Variants in NPAS3 observed in about 807,000 individuals in gnomAD.
NPAS3 encodes neuronal PAS domain protein 3, also known as neuronal PAS domain-containing protein 3.
In NPAS3, 14 loss-of-function variants were observed where a neutral mutation model predicts 73.1. The observed-to-expected ratio is 0.19, with a 90% confidence interval of 0.13 to 0.30. NPAS3 has a LOEUF of 0.30. Among genes scored for constraint, NPAS3 ranks in the 10% least tolerant of loss-of-function variants. The probability of loss-of-function intolerance (pLI) is 1.00; values close to 1 mark genes in which losing one functional copy is unlikely to be tolerated. For synonymous variants in NPAS3, 620 were observed against 541.5 expected, an observed-to-expected ratio of 1.14 and a Z score of -2.01; for missense variants, 1,096 against 1,250.0, an observed-to-expected ratio of 0.88 and a Z score of 1.86.
At chr14:33,498,333 C>T (rs1168378259) in intron 4 of NPAS3, among the ~76,000 whole-genome samples, 1 of 152,136 alleles carries the variant, frequency 6.6e-6, no homozygotes, top group African/African-American at 2.4e-5. Context: ...CCAGCAATCC[C>T]ATTACTGGGT....
chr14:33,485,542 G>A (rs546486770), intron 4 of NPAS3, among the ~76,000 whole-genome samples: 3 of 152,030 alleles, frequency 2.0e-5, no homozygotes, highest in African/African-American at 2.4e-5. Flanking sequence ...GAGGTCCCCC[G>A]ACTACCCCAC....
chr14:33,106,902 G>A (rs973905968), intron 2 of NPAS3, among the ~76,000 whole-genome samples: 3 of 152,110 alleles, frequency 2.0e-5, no homozygotes, highest in African/African-American at 7.2e-5. Flanking sequence ...ATCTTACAGT[G>A]ACACATCTGA....
chr14:33,144,302 G>A lies in NPAS3; in HGVS notation c.141-70880G>A, dbSNP rs140151840. On this transcript the variant is annotated intron_variant, in intron 2 of 11. Coordinates refer to ENST00000356141, the Ensembl canonical transcript of NPAS3. ...CATTGTGGTTTTGATTTGTGCTTCC[G>A]TAGTGAAGAAGGACGTTGAGCATCT... Among the ~76,000 whole-genome samples the A allele has an allele frequency of 4.5e-4, 69 of 152,296 alleles. 1 individual carries two copies. The East Asian group carries it at 0.013, about 28-fold the overall frequency.
intron 4 of NPAS3, among the ~76,000 whole-genome samples, chr14:33,425,075 G>A (rs180874495): frequency 7.2e-4 from 109 of 152,028 alleles, no homozygotes; most frequent in African/African-American, 1.3e-3. Flanking sequence ...AGAGTGTTTC[G>A]GGAAAAACAG....
intron 4 of NPAS3, among the ~76,000 whole-genome samples, chr14:33,479,825 G>A (rs188851773): frequency 3.3e-5 from 5 of 152,200 alleles, no homozygotes; most frequent in African/African-American, 1.2e-4. Flanking sequence ...TTGACAGGAT[G>A]CAATTTTTGA....
chr14:33,781,323 A>C (rs1228621438), intron 9 of NPAS3, among the ~76,000 whole-genome samples: 1 of 152,222 alleles, frequency 6.6e-6, no homozygotes, highest in Non-Finnish European at 1.5e-5. Context: ...TACAATAAAC[A>C]TTAACATCAT....
At chr14:33,676,983 C>T (rs1025668131) in intron 6 of NPAS3, among the ~76,000 whole-genome samples, 1 of 152,096 alleles carries the variant, frequency 6.6e-6, no homozygotes, top group African/African-American at 2.4e-5. Context: ...GGATTCCTTC[C>T]AGGACTCTTA....
chr14:33,241,035 G>A (rs1405131647), intron 3 of NPAS3, among the ~76,000 whole-genome samples: 1 of 151,848 alleles, frequency 6.6e-6, no homozygotes, highest in East Asian at 1.9e-4. Context: ...TGGACCACTG[G>A]CATATTAGAG....
intron 4 of NPAS3, among the ~76,000 whole-genome samples, chr14:33,390,485 G>T (rs1254755913): frequency 6.6e-6 from 1 of 152,164 alleles, no homozygotes; most frequent in African/African-American, 2.4e-5. Context: ...ATTTCTTTCA[G>T]CAGGAATTAA....
intron 5 of NPAS3, among the ~76,000 whole-genome samples, chr14:33,584,767 A>G (rs2056802992): frequency 6.6e-6 from 1 of 152,200 alleles, no homozygotes; most frequent in South Asian, 2.1e-4. Flanking sequence ...TGTCATCACA[A>G]TAGTGTTAGA....
At chr14:32,947,728 A>G (rs1301850686) in intron 1 of NPAS3, among the ~76,000 whole-genome samples, 1 of 152,150 alleles carries the variant, frequency 6.6e-6, no homozygotes, top group Non-Finnish European at 1.5e-5. Context: ...GATTGAGTTA[A>G]ATTTAAATGT....
intron 1 of NPAS3, among the ~76,000 whole-genome samples, chr14:33,012,542 A>C (rs1341505089): frequency 6.6e-6 from 1 of 151,716 alleles, no homozygotes; most frequent in Non-Finnish European, 1.5e-5. Context: ...TTTCAGCCTC[A>C]AAGTCATATC....
intron 1 of NPAS3, among the ~76,000 whole-genome samples, chr14:32,947,866 T>G (rs1347364871): frequency 6.6e-6 from 1 of 152,110 alleles, no homozygotes; most frequent in East Asian, 1.9e-4. Context: ...TTGTCATAGA[T>G]AAATTTGCTT....
intron 4 of NPAS3, among the ~76,000 whole-genome samples, chr14:33,490,392 T>C (rs2051834083): frequency 6.6e-6 from 1 of 152,202 alleles, no homozygotes; most frequent in African/African-American, 2.4e-5. Context: ...TTCTTTCTTA[T>C]CATTGCCTCT....
chr14:33,663,679 T>A (rs183169833), intron 5 of NPAS3, among the ~76,000 whole-genome samples: 1 of 152,168 alleles, frequency 6.6e-6, no homozygotes, highest in East Asian at 1.9e-4. Flanking sequence ...GGTCCTGGGG[T>A]TTTTTTGGTT....
At chr14:32,944,532 G>C (rs1223647402) in intron 1 of NPAS3, among the ~76,000 whole-genome samples, 1 of 152,190 alleles carries the variant, frequency 6.6e-6, no homozygotes, top group Admixed American at 6.5e-5. Flanking sequence ...ATTCGGTGAT[G>C]TTAGTATTTT....
At chr14:33,660,989 G>GAAGA (rs1567099800) in intron 5 of NPAS3, among the ~76,000 whole-genome samples, 2 of 151,456 alleles carry the variant, frequency 1.3e-5, no homozygotes, top group East Asian at 3.9e-4. Context: ...CTTTGAAAGC[G>GAAGA]AAGAGTAAAA....
At chr14:33,381,501 T>G (rs1157182427) in intron 4 of NPAS3, among the ~76,000 whole-genome samples, 1 of 152,226 alleles carries the variant, frequency 6.6e-6, no homozygotes, top group East Asian at 1.9e-4. Context: ...TGCTATCATT[T>G]AACCTGGCTT....
intron 7 of NPAS3, among the ~76,000 whole-genome samples, chr14:33,771,842 T>C (rs1170913629): frequency 6.6e-6 from 1 of 152,178 alleles, no homozygotes; most frequent in Non-Finnish European, 1.5e-5. Flanking sequence ...TGGTATCTAT[T>C]TCTAATGTTT....
Sources: allele counts gnomAD v4.1 joint callset (sites outside exome capture counted in the v4.1 genomes callset), GRCh38; gene constraint gnomAD v4.1.1; transcripts MANE v1.5; gene names NCBI Gene and HGNC (gene_info 2026-07-23, HGNC 2026-07-21).